The following SEPTIN11 variants were observed in gnomAD, a reference collection of about 807,000 sequenced individuals.
The protein encoded by SEPTIN11 is septin-11.
Under a neutral mutation model 51.4 loss-of-function variants are expected in SEPTIN11, and 25 were observed. That is an observed-to-expected ratio of 0.49 (90% confidence interval 0.35 to 0.68). The LOEUF is 0.68. Ranked by LOEUF, SEPTIN11 falls within the 30% of genes least tolerant of loss-of-function variation. The pLI is 0.00. For synonymous variants in SEPTIN11, 174 were observed against 184.1 expected, an observed-to-expected ratio of 0.95 and a Z score of 0.44; for missense variants, 381 against 520.8, an observed-to-expected ratio of 0.73 and a Z score of 2.61.
At position 77,036,408 on chromosome 4, in the gene SEPTIN11, G is replaced by A; in HGVS notation, c.*1896G>A. On this transcript the variant is annotated 3_prime_UTR_variant, in exon 10 of 10. Transcript: ENST00000264893. ...AGACAAAAGCTTGAATATTTGTGTT[G>A]TATGCTTGTTCCAACCACCGCTTGT... 2.7e-6 allele frequency: 3 copies of A among 1,125,824 alleles called. No individual in the cohort carries two copies. Among genetic ancestry groups the A allele is most frequent in the Non-Finnish European group, 1.1e-6 (1 of 916,028 alleles). 69.7% of individuals were successfully genotyped at this position (1,125,824 alleles called of 1,614,324 possible).
chr4:76,950,823 G>A (rs1721303057), intron 1 of SEPTIN11, among the ~76,000 whole-genome samples: 1 of 152,062 alleles, frequency 6.6e-6, no homozygotes, highest in Admixed American at 6.5e-5. Flanking sequence ...GTGAAAGGCG[G>A]AGGAAGGGGC....
chr4:77,002,814 C>T lies in SEPTIN11; in HGVS notation c.143-2787C>T, dbSNP rs142874352. Among the ~76,000 whole-genome samples the T allele has an allele frequency of 6.7e-4, 102 of 151,924 alleles. No individual in the cohort carries two copies. The East Asian group carries it at 0.018, about 27-fold the overall frequency. ...CAGGAAAGTAAGGAAGACAGGAAAC[C>T]GTCTCAACTGCTGCACAGCCAGACC... On this transcript the variant is annotated intron_variant, in intron 2 of 9. Coordinates refer to ENST00000264893, the MANE Select transcript of SEPTIN11 (RefSeq NM_018243.4).
intron 1 of SEPTIN11, among the ~76,000 whole-genome samples, chr4:76,966,421 A>G (rs1428911816): frequency 6.6e-6 from 1 of 151,994 alleles, no homozygotes; most frequent in Non-Finnish European, 1.5e-5. Context: ...TTAGGCAAAT[A>G]TAGCAACTAT....
At position 77,030,986 on chromosome 4, in the gene SEPTIN11, C is replaced by A. The variant is rs1041745446; in HGVS notation, c.1274+16C>A. The A allele has an allele frequency of 1.3e-6, 2 of 1,587,860 alleles. No individual in the cohort carries two copies. Among genetic ancestry groups the A allele is most frequent in the African/African-American group, 2.7e-5 (2 of 72,830 alleles). On this transcript the variant is annotated intron_variant, in intron 9 of 9. Coordinates refer to ENST00000264893, the MANE Select transcript of SEPTIN11 (RefSeq NM_018243.4). ...ATAAGAAAAAGTAAGCAGGTGTCAC[C>A]CCCCTGTATCGGGGACCTCTAACAA...
downstream of SEPTIN11, chr4:77,039,894 GT>G: frequency 4.2e-6 from 1 of 240,836 alleles, no homozygotes; most frequent in Non-Finnish European, 6.7e-6. Context: ...AAAAACTCCA[GT>G]TAGTTCTGTT....
chr4:77,007,338 G>A (rs894026500), intron 3 of SEPTIN11, among the ~76,000 whole-genome samples: 9 of 152,206 alleles, frequency 5.9e-5, no homozygotes, highest in Non-Finnish European at 1.3e-4. Flanking sequence ...AATCTTGCTT[G>A]TCCATTCCTT....
intron 2 of SEPTIN11, among the ~76,000 whole-genome samples, chr4:76,997,595 A>G (rs1212629421): frequency 3.3e-5 from 5 of 152,158 alleles, no homozygotes; most frequent in African/African-American, 9.7e-5. Context: ...CTGGCATTGT[A>G]TCTTAAGCAC....
chr4:77,026,676 A>G (rs937413238), intron 7 of SEPTIN11, among the ~76,000 whole-genome samples: 1 of 152,202 alleles, frequency 6.6e-6, no homozygotes, highest in Non-Finnish European at 1.5e-5. Context: ...TGGTGTTTCT[A>G]TCAAAGTTTC....
At chr4:77,018,346 C>T (rs537719131) in intron 5 of SEPTIN11, among the ~76,000 whole-genome samples, 5 of 151,554 alleles carry the variant, frequency 3.3e-5, no homozygotes, top group Admixed American at 6.6e-5. Context: ...CTATTTGGGA[C>T]GCTGAGGCAG....
intron 1 of SEPTIN11, among the ~76,000 whole-genome samples, chr4:76,982,327 C>T (rs1232611480): frequency 6.6e-6 from 1 of 152,186 alleles, no homozygotes; most frequent in South Asian, 2.1e-4. Flanking sequence ...TCTCCCACCT[C>T]AGCCTCCTTA....
chr4:76,976,228 T>C (rs1250538576), intron 1 of SEPTIN11, among the ~76,000 whole-genome samples: 1 of 152,254 alleles, frequency 6.6e-6, no homozygotes, highest in Non-Finnish European at 1.5e-5. Flanking sequence ...CTGCTTTTTT[T>C]TGGCTTGTAT....
chr4:77,030,717 C>A, intron 8 of SEPTIN11, 66 bp from the exon 9 acceptor site: 2 of 1,456,814 alleles, frequency 1.4e-6, no homozygotes, highest in Non-Finnish European at 1.8e-6. Flanking sequence ...TTGAACAGAT[C>A]CAAAGAACTT....
At chr4:77,020,454 T>G in intron 6 of SEPTIN11, 48 bp from the exon 7 acceptor site, 28 of 1,593,098 alleles carry the variant, frequency 1.8e-5, no homozygotes, top group Non-Finnish European at 2.3e-5. Flanking sequence ...GATATTTCAG[T>G]GACATCATTG....
intron 5 of SEPTIN11, among the ~76,000 whole-genome samples, chr4:77,018,951 T>TCATA: frequency 1.3e-5 from 2 of 152,314 alleles, no homozygotes; most frequent in Middle Eastern, 6.8e-3. Flanking sequence ...TTGCAAAGAC[T>TCATA]CATACACTTT....
intron 1 of SEPTIN11, among the ~76,000 whole-genome samples, chr4:76,992,063 G>C (rs1032501103): frequency 6.6e-6 from 1 of 152,330 alleles, no homozygotes; most frequent in Non-Finnish European, 1.5e-5. Context: ...ATTAGCAAAT[G>C]CAGGGCTAAA....
intron 1 of SEPTIN11, among the ~76,000 whole-genome samples, chr4:76,993,105 T>C (rs191354233): frequency 3.3e-5 from 5 of 152,156 alleles, no homozygotes; most frequent in African/African-American, 4.8e-5. Context: ...TGGGAGGCTG[T>C]TGAATTAGTA....
intron 1 of SEPTIN11, among the ~76,000 whole-genome samples, chr4:76,958,657 C>T (rs1036833484): frequency 6.6e-6 from 1 of 152,088 alleles, no homozygotes; most frequent in African/African-American, 2.4e-5. Flanking sequence ...AAAAAATACT[C>T]AGAACAAACT....
At chr4:77,030,644 C>T in intron 8 of SEPTIN11, 139 bp from the exon 9 acceptor site, 1 of 676,734 alleles carries the variant, frequency 1.5e-6, no homozygotes, top group Non-Finnish European at 2.4e-6. Flanking sequence ...ATCCACCCAC[C>T]TCGGCCTCCC....
At chr4:76,985,037 CCT>C (rs1005970787) in intron 1 of SEPTIN11, 1 of 152,202 alleles carries the variant, frequency 6.6e-6, no homozygotes, top group African/African-American at 2.4e-5. Flanking sequence ...TCCCTCCCAC[CCT>C]GTCTTCCTTG....
Sources: allele counts gnomAD v4.1 joint callset (sites outside exome capture counted in the v4.1 genomes callset), GRCh38; gene constraint gnomAD v4.1.1; transcripts MANE v1.5; gene names NCBI Gene and HGNC (gene_info 2026-07-23, HGNC 2026-07-21).